CSMD1: variants seen among roughly 807,000 people sequenced by gnomAD.
CSMD1 encodes CUB and sushi domain-containing protein 1.
A neutral mutation model predicts 417.5 loss-of-function variants in CSMD1; 213 were observed. The ratio of observed to expected loss-of-function variants is 0.51; its 90% CI spans 0.46 to 0.57. The LOEUF (loss-of-function observed/expected upper bound fraction) is 0.57. Among genes scored for constraint, CSMD1 ranks in the 20% least tolerant of loss-of-function variants. The pLI, the probability that CSMD1 is intolerant of heterozygous loss-of-function variation, is 0.00. For missense variants in CSMD1, 6,923 were observed against 4,529.7 expected (o/e 1.53, Z -15.17); for synonymous variants, 2,862 against 1,736.8 (o/e 1.65, Z -16.11).
intron 1 of CSMD1, among the ~76,000 whole-genome samples, chr8:4,673,503 T>C (rs13265740): frequency 0.67 from 102,310 of 151,934 alleles, 35,144 homozygotes; most frequent in African/African-American, 0.79. Flanking sequence ...CTATGTGTTT[T>C]GTTGGAAGAG....
At chr8:3,358,957 T>C (rs1471576758) in intron 21 of CSMD1, among the ~76,000 whole-genome samples, 195 bp downstream of exon 21, 1 of 152,114 alleles carries the variant, frequency 6.6e-6, no homozygotes. Flanking sequence ...AGGGACTTAC[T>C]TTATAGATGA....
intron 26 of CSMD1, among the ~76,000 whole-genome samples, chr8:3,283,645 C>G (rs1191117947): frequency 6.6e-6 from 1 of 152,092 alleles, no homozygotes; most frequent in African/African-American, 2.4e-5. Flanking sequence ...GAATAATTCT[C>G]TGGCCTTCCT....
At position 4,140,893 on chromosome 8, in the gene CSMD1, C is replaced by T. The variant is rs937129564; in HGVS notation, c.416-108794G>A. Among the ~76,000 whole-genome samples the T allele has an allele frequency of 2.0e-5, 3 of 151,078 alleles. 1 individual carries two copies. Among genetic ancestry groups the T allele is most frequent in the African/African-American group, 4.9e-5 (2 of 40,418 alleles). ...TGGGAGATTGCTGATCGCCAATGCA[C>T]AGGCTCAGTAGGGCCGACTTACTGC... On this transcript the variant is annotated intron_variant, in intron 3 of 69. Transcript: ENST00000635120.
intron 3 of CSMD1, among the ~76,000 whole-genome samples, chr8:4,212,264 C>G (rs544232150): frequency 6.6e-6 from 1 of 151,674 alleles, no homozygotes; most frequent in Non-Finnish European, 1.5e-5. Flanking sequence ...CTGACTGACT[C>G]AGATAAATAC....
At chr8:3,409,691 CT>C in intron 12 of CSMD1, 86 bp from the exon 13 acceptor site, 6 of 1,036,756 alleles carry the variant, frequency 5.8e-6, no homozygotes, top group Non-Finnish European at 8.1e-6. Flanking sequence ...AAATACGTGG[CT>C]TCTTTTTGCT....
chr8:3,167,380 T>A (rs1465244392), intron 37 of CSMD1, among the ~76,000 whole-genome samples: 2 of 151,558 alleles, frequency 1.3e-5, no homozygotes, highest in African/African-American at 4.8e-5. Flanking sequence ...TGTGCCAACC[T>A]AATACATGAC....
intron 3 of CSMD1, among the ~76,000 whole-genome samples, chr8:4,387,244 A>G (rs952494748): frequency 5.3e-5 from 8 of 152,270 alleles, no homozygotes; most frequent in South Asian, 2.1e-4. Flanking sequence ...TTATGCTTCA[A>G]TTATCATTTT....
intron 5 of CSMD1, among the ~76,000 whole-genome samples, chr8:3,777,040 T>A (rs768513384): frequency 2.6e-5 from 4 of 151,460 alleles, no homozygotes; most frequent in Admixed American, 6.6e-5. Flanking sequence ...TTAAAGACAA[T>A]GGAAATCTGT....
chr8:4,111,921 TAAAA>T (rs1801878009), intron 3 of CSMD1, among the ~76,000 whole-genome samples: 1 of 152,180 alleles, frequency 6.6e-6, no homozygotes, highest in Non-Finnish European at 1.5e-5. Context: ...CCCCAGAACT[TAAAA>T]TAAATAAAGT....
chr8:3,913,461 C>G (rs985762873), intron 5 of CSMD1, among the ~76,000 whole-genome samples: 1 of 152,138 alleles, frequency 6.6e-6, no homozygotes, highest in Non-Finnish European at 1.5e-5. Context: ...AACCTCCAGA[C>G]TGGAAGAAGC....
intron 5 of CSMD1, among the ~76,000 whole-genome samples, chr8:3,902,719 G>A (rs1280035112): frequency 6.6e-6 from 1 of 152,094 alleles, no homozygotes; most frequent in Non-Finnish European, 1.5e-5. Context: ...CCAGTCCATG[G>A]CCCCGGGATT....
At chr8:3,376,718 C>CTCCCCCTGGGAGCTTAAAATCAA (rs1210816607) in intron 18 of CSMD1, among the ~76,000 whole-genome samples, 3 of 152,102 alleles carry the variant, frequency 2.0e-5, no homozygotes, top group Admixed American at 6.5e-5. Context: ...GTTAAAAACA[C>CTCCCCCTGGGAGCTTAAAATCAA]ACTGAACTGA....
At chr8:3,706,996 T>A (rs999413835) in intron 7 of CSMD1, among the ~76,000 whole-genome samples, 3 of 152,100 alleles carry the variant, frequency 2.0e-5, no homozygotes, top group Non-Finnish European at 4.4e-5. Context: ...CAGATTGATT[T>A]TTTTTTTCTT....
At chr8:3,270,239 G>C (rs1801740150) in intron 26 of CSMD1, among the ~76,000 whole-genome samples, 1 of 151,812 alleles carries the variant, frequency 6.6e-6, no homozygotes. Context: ...TTTATTTTTA[G>C]TAGAGATGGG....
intron 5 of CSMD1, among the ~76,000 whole-genome samples, chr8:3,785,841 G>T (rs148642162): frequency 2.0e-5 from 3 of 152,166 alleles, no homozygotes; most frequent in Admixed American, 1.3e-4. Flanking sequence ...ATTCCTGAGG[G>T]CTTTGGGAAG....
chr8:4,202,715 T>C (rs183227241), intron 3 of CSMD1, among the ~76,000 whole-genome samples: 1 of 152,286 alleles, frequency 6.6e-6, no homozygotes, highest in Non-Finnish European at 1.5e-5. Context: ...ATCAAACAAG[T>C]ACTCAAATAT....
intron 3 of CSMD1, among the ~76,000 whole-genome samples, chr8:4,125,945 G>A (rs1188544754): frequency 6.6e-6 from 1 of 152,036 alleles, no homozygotes; most frequent in Admixed American, 6.6e-5. Context: ...ATTGCTTCTG[G>A]GGATCACATT....
chr8:4,087,548 G>C lies in CSMD1; in HGVS notation c.416-55449C>G, dbSNP rs181118854. Among the ~76,000 whole-genome samples the C allele has an allele frequency of 1.2e-4, 18 of 152,076 alleles. 1 individual carries two copies. The East Asian group carries it at 3.1e-3, about 26-fold the overall frequency. The stretch of plus-strand genomic sequence containing the variant: ...AAAAAGCAAGGCGAGGCTTTCCCTG[G>C]CTATAATTTCTGTCCTTATACACTT... On this transcript the variant is annotated intron_variant, in intron 3 of 69. Coordinates refer to ENST00000635120, the MANE Select transcript of CSMD1 (RefSeq NM_033225.6).
intron 7 of CSMD1, among the ~76,000 whole-genome samples, chr8:3,622,733 A>G (rs1411348259): frequency 6.6e-6 from 1 of 152,290 alleles, no homozygotes. Flanking sequence ...AGTCAGAAAA[A>G]GTATGCTGAC....
Sources: gnomAD v4.1 joint callset for allele counts (sites outside exome capture counted in the v4.1 genomes callset) on GRCh38, gnomAD v4.1.1 for gene constraint, MANE v1.5 for transcripts, NCBI Gene and HGNC (gene_info 2026-07-23, HGNC 2026-07-21) for gene names.